The following SRCAP variants were observed in gnomAD, a reference collection of about 807,000 sequenced individuals.
The protein encoded by SRCAP is chromatin remodeling protein SRCAP.
A neutral mutation model predicts 263.1 loss-of-function variants in SRCAP; 46 were observed. The ratio of observed to expected loss-of-function variants is 0.17; its 90% CI spans 0.14 to 0.22. SRCAP has a LOEUF of 0.22. SRCAP is among the 10% of genes least tolerant of loss of function. The pLI is 1.00. For synonymous variants in SRCAP, 1,813 were observed against 1,662.1 expected, an observed-to-expected ratio of 1.09 and a Z score of -2.21; for missense variants, 3,695 against 4,181.9, an observed-to-expected ratio of 0.88 and a Z score of 3.21.
rs372002745 is a variant in SRCAP at position 30,724,622 on chromosome 16, C to G, written c.5198C>G (p.Ser1733Cys). 3 of 1,614,132 alleles carry G rather than the reference C, an allele frequency of 1.9e-6. No individual in the cohort carries two copies. Among genetic ancestry groups the G allele is most frequent in the Non-Finnish European group, 2.5e-6 (3 of 1,180,058 alleles). ...GTACCAACTCCAGCCCAGACACTGTCTTTGGCACCAGGACCACCACTGGGT... is the reference window on the plus strand; with the variant it reads ...GTACCAACTCCAGCCCAGACACTGTGTTTGGCACCAGGACCACCACTGGGT... ...SLVPTPAQTL[S>C]LAPGPPLGPT... Residue 1733 changes from serine to cysteine, a missense_variant, in exon 25 of 34, where the codon TCT (serine) becomes TGT (cysteine). Physicochemically the swap from Ser to Cys is moderately radical, Grantham distance 112 (BLOSUM62 -1). This residue lies in a region of SRCAP where 1,347 missense variants were observed against 1,304.4 expected (regional missense o/e 1.03). Transcript: ENST00000262518.
In SRCAP at chr16:30,733,699, C is replaced by T; in HGVS notation, c.6395C>T (p.Thr2132Ile). Residue 2132 changes from threonine to isoleucine, a missense_variant, in exon 29 of 34, where the codon ACT becomes ATT. Transcript: ENST00000262518. This position sits in a 1 kb window ranked among gnomAD's most constrained non-coding sequence, Gnocchi z 5.3. ...GVGVNLTGAD[T>I]VVFYDSDWNP... ...GGCGTGAACCTGACAGGAGCAGACA[C>T]TGTTGTTTTTTATGACAGCGACTGG... 3 of 1,614,144 alleles carry T rather than the reference C, an allele frequency of 1.9e-6. No homozygotes were observed. The highest frequency in any genetic ancestry group is 2.5e-6 in the Non-Finnish European group (3 of 1,180,036).
At chr16:30,725,109 C>G in intron 25 of SRCAP, 27 bp downstream of exon 25, 1 of 1,573,912 alleles carries the variant, frequency 6.4e-7, no homozygotes, top group South Asian at 1.2e-5. Context: ...CAAGAGGGAA[C>G]AGGAAGTTGA....
At chr16:30,726,193 T>C (rs999121209) in intron 25 of SRCAP, 4 of 152,224 alleles carry the variant, frequency 2.6e-5, no homozygotes, top group East Asian at 1.9e-4. Context: ...TATTGTGTTA[T>C]AGCGTATATC....
intron 4 of SRCAP, among the ~76,000 whole-genome samples, chr16:30,706,030 T>G (rs190046045): frequency 3.2e-4 from 49 of 152,304 alleles, no homozygotes; most frequent in Admixed American, 5.2e-4. Flanking sequence ...TTCCGGTGCC[T>G]CCTCAAGTTT....
chr16:30,731,578 G>GT (rs1299645922), intron 27 of SRCAP, among the ~76,000 whole-genome samples: 4 of 152,158 alleles, frequency 2.6e-5, no homozygotes, highest in African/African-American at 9.7e-5. Context: ...GGTTAAAAGT[G>GT]TTCAAGGCCG....
Position 30,707,195 on chromosome 16 carries a change from G to A in SRCAP, c.319G>A (p.Glu107Lys), listed in dbSNP as rs1293031536. ...TCTCCCTGATTAGGAGGCCGAGATC[G>A]AGACTCGGATTGCTGAGCTGCGGAA... ...AEQAKHEAEI[E>K]TRIAELRKEG... The change falls in exon 5 of 34, where the codon GAG becomes AAG. Residue 107 changes from glutamate (E) to lysine (K), a missense_variant. Physicochemically the swap from Glu to Lys is moderately conservative, Grantham distance 56 (BLOSUM62 1). Transcript: ENST00000262518. The A allele has an allele frequency of 1.2e-6, 2 of 1,614,144 alleles. No individual in the cohort carries two copies. The highest frequency in any genetic ancestry group is 1.7e-6 in the Non-Finnish European group (2 of 1,180,042).
intron 21 of SRCAP, 39 bp from the exon 22 acceptor site, chr16:30,722,083 G>T: frequency 6.3e-7 from 1 of 1,594,570 alleles, no homozygotes; most frequent in South Asian, 1.1e-5. Context: ...TGTTGAGCAG[G>T]ATGAGCCTTG....
chr16:30,723,986 C>A lies in SRCAP; in HGVS notation c.4562C>A (p.Pro1521His). The A allele has an allele frequency of 6.2e-7, 1 of 1,614,168 alleles. No individual in the cohort carries two copies. The highest frequency in any genetic ancestry group is 8.5e-7 in the Non-Finnish European group (1 of 1,180,028). ...CCATCCCTGTCTTCATCTCAGACAC[C>A]TGGTCACCCTCTGTTGTTGGCTCCC... ...TAPSLSSSQTPGHPLLLAPTS... is the reference protein window; with the variant it reads ...TAPSLSSSQTHGHPLLLAPTS... The change falls in exon 25 of 34, where the codon CCT (proline) becomes CAT (histidine). Residue 1521 changes from proline (P) to histidine (H), a missense_variant. Transcript: ENST00000262518.
chr16:30,728,110 A>G (rs2053080281), intron 25 of SRCAP, among the ~76,000 whole-genome samples: 1 of 152,134 alleles, frequency 6.6e-6, no homozygotes, highest in Non-Finnish European at 1.5e-5. Context: ...AAGAGGTGAA[A>G]CTTGGTAGCA....
chr16:30,738,773 G>A lies in SRCAP; in HGVS notation c.8733G>A (p.Gln2911=). 1 of 1,613,924 alleles carries A rather than the reference G, an allele frequency of 6.2e-7. No homozygotes were observed. Among genetic ancestry groups the A allele is most frequent in the East Asian group, 2.2e-5 (1 of 44,878 alleles). Residue 2911 remains glutamine (Q), a synonymous_variant, in exon 34 of 34, where the codon CAG becomes CAA. Transcript: ENST00000262518. ...TTGCAGATCCTGTCCTGGAACCACA[G>A]CTTATTCCTGGGCCCCAGCCTCTTG... The part of the protein sequence containing the change: ...LIVADPVLEP[Q]LIPGPQPLGP...
At chr16:30,732,180 G>C (rs1036297805) in intron 27 of SRCAP, among the ~76,000 whole-genome samples, 3 of 151,622 alleles carry the variant, frequency 2.0e-5, no homozygotes, top group Non-Finnish European at 2.9e-5. Context: ...GGCTGGGCAC[G>C]GTGGCTCACG....
intron 16 of SRCAP, 83 bp downstream of exon 16, chr16:30,713,794 T>A: frequency 7.4e-7 from 1 of 1,352,100 alleles, no homozygotes; most frequent in East Asian, 2.3e-5. Context: ...AGGAAACCCT[T>A]GGGGAGAGGG....
Position 30,736,385 on chromosome 16 carries a change from CG to C in SRCAP, c.6916del (p.Val2306Ter). On this transcript the variant is annotated frameshift_variant, in exon 32 of 34. Transcript: ENST00000262518. The part of the protein sequence containing the change: ...SRAEQEIAAL[V>X]EQLTPIERYA... ...GGGCTGAGCAGGAAATTGCTGCCCT[CG>C]TAGAACAGGTCAGTGCTGGACCCAC... The C allele has an allele frequency of 6.2e-7, 1 of 1,612,202 alleles. No individual in the cohort carries two copies. Among genetic ancestry groups the C allele is most frequent in the Non-Finnish European group, 8.5e-7 (1 of 1,178,880 alleles).
rs1378551555 is a variant in SRCAP at position 30,720,353 on chromosome 16, G to A, written c.2987+22G>A. 4 of 1,596,940 alleles carry A rather than the reference G, an allele frequency of 2.5e-6. No homozygotes were observed. In the African/African-American group the frequency reaches 4.0e-5, roughly 16 times the overall value. ...ACAGGTACAAGGACTAAGGAATGAG[G>A]GGATGGTTCCTAGAATAAGTGGCTG... is the stretch of plus-strand genomic sequence containing the variant. On this transcript the variant is annotated intron_variant, in intron 19 of 33. Transcript: ENST00000262518.
rs771551480 is a variant in SRCAP at position 30,721,307 on chromosome 16, C to T, written c.3372C>T (p.Ser1124=). 2 of 1,614,220 alleles carry T rather than the reference C, an allele frequency of 1.2e-6. No homozygotes were observed. The highest frequency in any genetic ancestry group is 2.2e-5 in the South Asian group (2 of 91,086). Reference sequence around the variant, plus strand: ...TGAGCCCAGCCCCACCTCCAGGCTCCTCTAGCCTGTTGAAGCCCCTGACAG... The same window carrying T: ...TGAGCCCAGCCCCACCTCCAGGCTCTTCTAGCCTGTTGAAGCCCCTGACAG... ...VRLSPAPPPG[S]SSLLKPLTVP... Residue 1124 remains serine, a synonymous_variant, in exon 21 of 34, where the codon TCC becomes TCT. Transcript: ENST00000262518.
rs2052746455 is a variant in SRCAP at position 30,699,886 on chromosome 16, TACGCTTTGATGGATGTTTC to T, written c.-283-20_-283-2del. The T allele has an allele frequency of 6.6e-6, 1 of 152,220 alleles. No individual in the cohort carries two copies. The highest frequency in any genetic ancestry group is 6.5e-5 in the Admixed American group (1 of 15,282). The allele number at this position is 152,220 out of a possible 1,614,324, so 9.4% of individuals were successfully genotyped here. A position where few individuals can be genotyped will look rare whatever the true frequency, so the allele number is the denominator to read the frequency against. ...CGTCTCAAAAAACTGGAGTAAATAA[TACGCTTTGATGGATGTTTC>T]AGGTGTGATTCCCTTCAGTACGGCG... On this transcript the variant is annotated splice_polypyrimidine_tract_variant and splice_region_variant and intron_variant, in intron 1 of 33. Transcript: ENST00000262518.
chr16:30,738,138 G>T lies in SRCAP; in HGVS notation c.8098G>T (p.Ala2700Ser), dbSNP rs2053179041. 4 of 1,614,158 alleles carry T rather than the reference G, an allele frequency of 2.5e-6. No individual in the cohort carries two copies. The East Asian group carries it at 8.9e-5, about 36-fold the overall frequency. ...GGAACTCGTTACAGCTGAGGTTGCA[G>T]CTCCATCCACCTCATCTTCAGCCAC... ...PQELVTAEVA[A>S]PSTSSSATSS... Residue 2700 changes from alanine to serine, a missense_variant, in exon 34 of 34, where the codon GCT becomes TCT. By Grantham distance (99) the Ala-to-Ser change is moderately conservative. This residue lies in a region of SRCAP where 1,207 missense variants were observed against 1,142.9 expected (regional missense o/e 1.06). Coordinates refer to ENST00000262518, the MANE Select transcript of SRCAP (RefSeq NM_006662.3).
Position 30,724,761 on chromosome 16 carries a change from C to T in SRCAP, c.5337C>T (p.Leu1779=). 1.9e-6 allele frequency: 3 copies of T among 1,613,880 alleles called. No homozygotes were observed. The highest frequency in any genetic ancestry group is 1.6e-4 in the Middle Eastern group (1 of 6,062). Reference sequence around the variant, plus strand: ...CTCCAGCATCGTCATCTGCTTCACTCCTGGCCCCAGCTTCAGTGCAGACAC... The same window carrying T: ...CTCCAGCATCGTCATCTGCTTCACTTCTGGCCCCAGCTTCAGTGCAGACAC... ...TLAPASSSAS[L]LAPASVQTLT... is the part of the protein sequence containing the mutation. The change falls in exon 25 of 34, where the codon CTC becomes CTT. Residue 1779 remains leucine (L), a synonymous_variant. Transcript: ENST00000262518.
intron 3 of SRCAP, chr16:30,701,286 A>G (rs1340436965): frequency 8.2e-5 from 13 of 157,876 alleles, no homozygotes; most frequent in Non-Finnish European, 2.8e-5. Context: ...TTTTAAACAC[A>G]TCTAGGTGTG....
Sources: gnomAD v4.1 joint callset for allele counts (sites outside exome capture counted in the v4.1 genomes callset) on GRCh38, gnomAD v4.1.1 for gene constraint, gnomAD v4.1.1 regional missense constraint, Gnocchi (gnomAD v3.1) non-coding constraint, MANE v1.5 for transcripts, NCBI Gene and HGNC (gene_info 2026-07-23, HGNC 2026-07-21) for gene names.